DTWD2: variants seen among roughly 807,000 people sequenced by gnomAD.
DTWD2 encodes the protein DTW motif tRNA-uridine aminocarboxypropyltransferase 2.
A neutral mutation model predicts 31.8 loss-of-function variants in DTWD2; 39 were observed. That is an observed-to-expected ratio of 1.22 (90% CI 0.95 to 1.60). The LOEUF is 1.60. Ranked by LOEUF, DTWD2 falls within the 40% of genes most tolerant of loss-of-function variation. The probability of loss-of-function intolerance (pLI) is 0.00; values close to 1 mark genes in which losing one functional copy is unlikely to be tolerated. For synonymous variants in DTWD2, 180 were observed against 142.8 expected (o/e 1.26, Z -1.86); for missense variants, 515 against 381.5 (o/e 1.35, Z -2.92).
intron 4 of DTWD2, among the ~76,000 whole-genome samples, chr5:118,854,731 G>C (rs1364204999): frequency 6.6e-6 from 1 of 151,736 alleles, no homozygotes; most frequent in African/African-American, 2.4e-5. Flanking sequence ...TCAAGAAATA[G>C]GTATAAACTT....
chr5:118,922,325 C>G (rs771892280), intron 4 of DTWD2, among the ~76,000 whole-genome samples: 1 of 152,146 alleles, frequency 6.6e-6, no homozygotes, highest in Non-Finnish European at 1.5e-5. Context: ...TCTATAAACA[C>G]AACACTCTGG....
intron 1 of DTWD2, among the ~76,000 whole-genome samples, chr5:118,975,271 A>C (rs1400625186): frequency 6.6e-6 from 1 of 151,894 alleles, no homozygotes; most frequent in East Asian, 1.9e-4. Flanking sequence ...TATTTCATTG[A>C]GTTTATCTTC....
chr5:118,969,209 G>A (rs1235210435), intron 1 of DTWD2, among the ~76,000 whole-genome samples: 5 of 151,964 alleles, frequency 3.3e-5, no homozygotes, highest in East Asian at 3.9e-4. Flanking sequence ...GGGGGGAAGC[G>A]GTGACTGTAT....
rs141810229 is a variant in DTWD2, at chr5:118,919,165, C to G, written c.597+9372G>C. Among the ~76,000 whole-genome samples the G allele has an allele frequency of 7.2e-5, 11 of 152,322 alleles. No homozygotes were observed. In the East Asian group the frequency reaches 2.1e-3, roughly 29 times the overall value. On this transcript the variant is annotated intron_variant, in intron 4 of 5. Transcript: ENST00000510708. ...ACAGAGCATCTTATGCCAGTTCCCC[C>G]GATTCCCTGTGGTGCAAAATAGTGA...
At chr5:118,930,950 G>C (rs1753909538) in intron 3 of DTWD2, among the ~76,000 whole-genome samples, 1 of 149,052 alleles carries the variant, frequency 6.7e-6, no homozygotes, top group Admixed American at 6.6e-5. Context: ...ATTTTAAATT[G>C]ACTGGTGATG....
chr5:118,860,250 G>A (rs543023250), intron 4 of DTWD2, among the ~76,000 whole-genome samples: 2 of 149,704 alleles, frequency 1.3e-5, no homozygotes, highest in African/African-American at 4.9e-5. Context: ...AATCTTAAAT[G>A]AATATATCAT....
chr5:118,851,406 C>G (rs1227141895), intron 4 of DTWD2, among the ~76,000 whole-genome samples: 1 of 151,708 alleles, frequency 6.6e-6, no homozygotes, highest in Non-Finnish European at 1.5e-5. Context: ...ACCGTGATGC[C>G]CACCTGAGTC....
chr5:118,957,909 T>C (rs1219100552), intron 1 of DTWD2, among the ~76,000 whole-genome samples: 1 of 152,208 alleles, frequency 6.6e-6, no homozygotes, highest in Non-Finnish European at 1.5e-5. Context: ...CACCAATACT[T>C]CTTCCTTTTT....
chr5:118,985,303 G>A (rs982439162), intron 1 of DTWD2, among the ~76,000 whole-genome samples: 5 of 151,648 alleles, frequency 3.3e-5, no homozygotes, highest in African/African-American at 1.2e-4. Flanking sequence ...ATTTCGTTAT[G>A]TCCTTCAGTC....
Position 118,841,042 on chromosome 5 carries a change from G to T in DTWD2, c.772C>A (p.His258Asn), listed in dbSNP as rs772417586. 2 of 1,613,454 alleles carry T rather than the reference G, an allele frequency of 1.2e-6. No individual in the cohort carries two copies. Among genetic ancestry groups the T allele is most frequent in the South Asian group, 2.2e-5 (2 of 91,022 alleles). The change falls in exon 6 of 6, where the codon CAT becomes AAT. Residue 258 changes from histidine to asparagine, a missense_variant. Physicochemically the swap from His to Asn is moderately conservative, Grantham distance 68. Transcript: ENST00000510708. ...TTGCTGAGGCGAATTTGGGCACCATGCTGAAGTTGAAAGGAGCATAAAGCT... is the reference window on the plus strand; with the variant it reads ...TTGCTGAGGCGAATTTGGGCACCATTCTGAAGTTGAAAGGAGCATAAAGCT... ...LQALCSFQLQ[H>N]GAQIRLSKEH...
chr5:118,912,473 C>A (rs6863846), intron 4 of DTWD2, among the ~76,000 whole-genome samples: 8,951 of 152,342 alleles, frequency 0.059, 553 homozygotes, highest in African/African-American at 0.16. Context: ...CCATTCTGTT[C>A]CTCTCTCGCT....
At chr5:118,939,566 TA>T (rs921258746) in intron 2 of DTWD2, among the ~76,000 whole-genome samples, 1 of 152,194 alleles carries the variant, frequency 6.6e-6, no homozygotes, top group Non-Finnish European at 1.5e-5. Flanking sequence ...TATTAAAATG[TA>T]AATTTGTGTT....
At chr5:118,947,697 C>T (rs867149726) in intron 1 of DTWD2, among the ~76,000 whole-genome samples, 3 of 152,154 alleles carry the variant, frequency 2.0e-5, no homozygotes, top group South Asian at 2.1e-4. Flanking sequence ...TAGTTCCAGG[C>T]TTGAGGGTGG....
intron 4 of DTWD2, among the ~76,000 whole-genome samples, chr5:118,878,753 C>T (rs1752673950): frequency 6.6e-6 from 1 of 151,816 alleles, no homozygotes; most frequent in Non-Finnish European, 1.5e-5. Flanking sequence ...AAAATTTTTG[C>T]AAATTATGCA....
At chr5:118,862,942 A>G (rs1021123054) in intron 4 of DTWD2, among the ~76,000 whole-genome samples, 4 of 152,168 alleles carry the variant, frequency 2.6e-5, no homozygotes, top group African/African-American at 9.7e-5. Context: ...TGAAAAGGCT[A>G]TATCCCTTTT....
chr5:118,945,870 G>A (rs896535454), intron 1 of DTWD2, among the ~76,000 whole-genome samples: 1 of 151,888 alleles, frequency 6.6e-6, no homozygotes, highest in Non-Finnish European at 1.5e-5. Flanking sequence ...ACGATCACAG[G>A]CAGATGTTAT....
At chr5:118,958,015 T>C (rs114144202) in intron 1 of DTWD2, among the ~76,000 whole-genome samples, 1,769 of 152,300 alleles carry the variant, frequency 0.012, 35 homozygotes, top group African/African-American at 0.04. Flanking sequence ...TCTATTAAAA[T>C]GCACCCTAAT....
chr5:118,908,491 A>G (rs2149569580), intron 4 of DTWD2, among the ~76,000 whole-genome samples: 1 of 152,332 alleles, frequency 6.6e-6, no homozygotes, highest in South Asian at 2.1e-4. Context: ...TTAAGAAAAC[A>G]GATTTCAAAC....
At chr5:118,976,191 G>T (rs1379383319) in intron 1 of DTWD2, among the ~76,000 whole-genome samples, 1 of 152,310 alleles carries the variant, frequency 6.6e-6, no homozygotes, top group Non-Finnish European at 1.5e-5. Flanking sequence ...AGCTAACGCA[G>T]CGTTTAGAGG....
Sources: gnomAD v4.1 joint callset for allele counts (sites outside exome capture counted in the v4.1 genomes callset) on GRCh38, gnomAD v4.1.1 for gene constraint, MANE v1.5 for transcripts, NCBI Gene and HGNC (gene_info 2026-07-23, HGNC 2026-07-21) for gene names.